ERC2: variants seen among roughly 807,000 people sequenced by gnomAD.
ERC2 encodes ERC protein 2.
In ERC2, 42 loss-of-function variants were observed where a neutral mutation model predicts 114.8. The observed-to-expected ratio is 0.37, with a 90% CI of 0.29 to 0.47. The LOEUF (loss-of-function observed/expected upper bound fraction) is 0.47, where lower values mean the gene tolerates loss of function less well. ERC2 is among the 20% of genes least tolerant of loss of function. The pLI is 0.99. For synonymous variants in ERC2, 454 were observed against 425.5 expected (o/e 1.07, Z -0.82); for missense variants, 939 against 1,150.7 (o/e 0.82, Z 2.66).
chr3:56,412,664 C>T (rs776868832), intron 2 of ERC2, among the ~76,000 whole-genome samples: 1 of 152,130 alleles, frequency 6.6e-6, no homozygotes, highest in Non-Finnish European at 1.5e-5. Flanking sequence ...GGTTGGCTTC[C>T]ATGTTTGGCA....
chr3:55,978,477 T>C (rs1209155982), intron 12 of ERC2, among the ~76,000 whole-genome samples: 1 of 152,084 alleles, frequency 6.6e-6, no homozygotes, highest in Non-Finnish European at 1.5e-5. Context: ...GCAACTCAGG[T>C]TTTTACAACT....
At chr3:56,154,239 T>A (rs2081576617) in intron 4 of ERC2, among the ~76,000 whole-genome samples, 1 of 152,074 alleles carries the variant, frequency 6.6e-6, no homozygotes, top group Non-Finnish European at 1.5e-5. Context: ...TAAGACATAT[T>A]AGTAAAAAGA....
chr3:56,386,560 T>C (rs1242375314), intron 2 of ERC2, among the ~76,000 whole-genome samples: 1 of 152,134 alleles, frequency 6.6e-6, no homozygotes, highest in Non-Finnish European at 1.5e-5. Flanking sequence ...TATGGGGTTG[T>C]TTTTGTTTTT....
At chr3:56,414,132 C>G (rs2061050473) in intron 2 of ERC2, among the ~76,000 whole-genome samples, 2 of 152,170 alleles carry the variant, frequency 1.3e-5, no homozygotes, top group African/African-American at 4.8e-5. Context: ...GCAGCTCCTC[C>G]CCCGCAAAGC....
intron 2 of ERC2, among the ~76,000 whole-genome samples, chr3:56,322,488 C>A (rs144544500): frequency 3.3e-5 from 5 of 152,278 alleles, no homozygotes; most frequent in African/African-American, 1.2e-4. Context: ...AGAGACCACG[C>A]CACTGCCACT....
intron 7 of ERC2, among the ~76,000 whole-genome samples, chr3:56,019,606 G>T (rs1472962297): frequency 1.3e-5 from 2 of 152,174 alleles, no homozygotes; most frequent in African/African-American, 4.8e-5. Flanking sequence ...GGAAGAACTT[G>T]TGATATAAGT....
intron 3 of ERC2, among the ~76,000 whole-genome samples, chr3:56,189,968 T>A (rs1392348901): frequency 2.0e-5 from 3 of 152,204 alleles, no homozygotes; most frequent in Non-Finnish European, 4.4e-5. Flanking sequence ...GCCCAAGGAC[T>A]GAGACAGGTG....
At chr3:56,291,285 T>C (rs2055067427) in intron 3 of ERC2, among the ~76,000 whole-genome samples, 1 of 152,188 alleles carries the variant, frequency 6.6e-6, no homozygotes, top group Non-Finnish European at 1.5e-5. Context: ...CATCAGACAA[T>C]GCTAGTGAGT....
intron 17 of ERC2, among the ~76,000 whole-genome samples, chr3:55,524,856 C>G (rs1394170874): frequency 4.6e-5 from 7 of 152,170 alleles, no homozygotes; most frequent in African/African-American, 1.7e-4. Flanking sequence ...TGCACAAAAG[C>G]TACATGTGCC....
At chr3:55,908,839 C>T (rs1024210878) in intron 13 of ERC2, among the ~76,000 whole-genome samples, 1 of 152,114 alleles carries the variant, frequency 6.6e-6, no homozygotes, top group Admixed American at 6.5e-5. Context: ...GGGTCACGTG[C>T]CTGCCCCAAG....
chr3:55,896,899 T>G lies in ERC2; in HGVS notation c.2404-8350A>C, dbSNP rs76634069. On this transcript the variant is annotated intron_variant, in intron 13 of 17. Coordinates refer to ENST00000288221, the MANE Select transcript of ERC2 (RefSeq NM_015576.3). ...TGTATTAGTCATTCTATGTTGCAGA[T>G]CATATCATTAAAACTCTCTTTTAAA... Among the ~76,000 whole-genome samples, 1,449 of 152,314 alleles carry G rather than the reference T, an allele frequency of 9.5e-3. 24 individuals carry two copies. Among genetic ancestry groups the G allele is most frequent in the African/African-American group, 0.032 (1,350 of 41,566 alleles).
chr3:56,210,290 T>C (rs2048980433), intron 3 of ERC2, among the ~76,000 whole-genome samples: 1 of 152,198 alleles, frequency 6.6e-6, no homozygotes, highest in Non-Finnish European at 1.5e-5. Flanking sequence ...GCCCATCTAA[T>C]TGAAAAGAAG....
chr3:55,945,632 G>A (rs1346136293), intron 13 of ERC2, among the ~76,000 whole-genome samples: 1 of 152,024 alleles, frequency 6.6e-6, no homozygotes, highest in Non-Finnish European at 1.5e-5. Flanking sequence ...GGAAAGTAAA[G>A]GAAGTCCCCT....
chr3:55,750,546 C>A (rs2066629525), intron 14 of ERC2, among the ~76,000 whole-genome samples: 1 of 152,068 alleles, frequency 6.6e-6, no homozygotes, highest in African/African-American at 2.4e-5. Context: ...GGGCAGGCTT[C>A]ACAGAGGATA....
At chr3:55,913,474 T>G (rs1052590749) in intron 13 of ERC2, among the ~76,000 whole-genome samples, 1 of 152,212 alleles carries the variant, frequency 6.6e-6, no homozygotes, top group Admixed American at 6.5e-5. Flanking sequence ...CACATACCTA[T>G]AAATTGGTCT....
At chr3:56,099,100 A>G (rs2078214329) in intron 6 of ERC2, among the ~76,000 whole-genome samples, 1 of 152,218 alleles carries the variant, frequency 6.6e-6, no homozygotes, top group South Asian at 2.1e-4. Flanking sequence ...TATAAAAGAC[A>G]CACACAGCAG....
intron 17 of ERC2, among the ~76,000 whole-genome samples, chr3:55,554,842 T>C (rs527557718): frequency 6.6e-6 from 1 of 151,900 alleles, no homozygotes; most frequent in East Asian, 2.0e-4. Flanking sequence ...GGCTGGCAAA[T>C]ATCTCTCTTC....
At chr3:56,374,292 T>A (rs1399305889) in intron 2 of ERC2, among the ~76,000 whole-genome samples, 1 of 151,984 alleles carries the variant, frequency 6.6e-6, no homozygotes, top group Non-Finnish European at 1.5e-5. Flanking sequence ...AGAGACGGGG[T>A]TTCAGCGTGT....
intron 2 of ERC2, among the ~76,000 whole-genome samples, chr3:56,336,543 C>T (rs372331270): frequency 1.2e-4 from 18 of 152,264 alleles, no homozygotes; most frequent in African/African-American, 4.3e-4. Flanking sequence ...TCTGTAACCC[C>T]AGCACTTTGG....
Sources: allele counts gnomAD v4.1 joint callset (sites outside exome capture counted in the v4.1 genomes callset), GRCh38; gene constraint gnomAD v4.1.1; transcripts MANE v1.5; gene names NCBI Gene and HGNC (gene_info 2026-07-23, HGNC 2026-07-21).